The following KLHL20 variants were observed in gnomAD, a reference collection of about 807,000 sequenced individuals.
KLHL20 encodes the protein kelch-like protein 20.
KLHL20 carries 29 observed loss-of-function variants against 69.5 expected under a neutral mutation model. The observed-to-expected ratio is 0.42, with a 90% CI of 0.31 to 0.57. KLHL20 has a LOEUF of 0.57. KLHL20 is among the 20% of genes least tolerant of loss of function. KLHL20 has a pLI of 0.18. For synonymous variants in KLHL20, 253 were observed against 265.2 expected, an observed-to-expected ratio of 0.95 and a Z score of 0.45; for missense variants, 419 against 776.0, an observed-to-expected ratio of 0.54 and a Z score of 5.47.
chr1:173,750,026 T>C (rs1287008974), intron 3 of KLHL20, among the ~76,000 whole-genome samples: 5 of 152,152 alleles, frequency 3.3e-5, no homozygotes, highest in Non-Finnish European at 7.4e-5. Flanking sequence ...AGTATAAGTA[T>C]GTCTTGTATT....
At chr1:173,724,541 A>C (rs767411572) in intron 2 of KLHL20, among the ~76,000 whole-genome samples, 2 of 152,234 alleles carry the variant, frequency 1.3e-5, no homozygotes, top group Non-Finnish European at 2.9e-5. Flanking sequence ...TAATGTGATC[A>C]TACAAAAATC....
At chr1:173,739,646 C>CTT (rs60793132) in intron 3 of KLHL20, among the ~76,000 whole-genome samples, 2 of 89,918 alleles carry the variant, frequency 2.2e-5, no homozygotes, top group Non-Finnish European at 4.4e-5. Flanking sequence ...TAATATCTCC[C>CTT]TTTTTTTTTT....
chr1:173,778,585 C>G (rs375087456), intron 10 of KLHL20, among the ~76,000 whole-genome samples: 1 of 151,868 alleles, frequency 6.6e-6, no homozygotes, highest in South Asian at 2.1e-4. Flanking sequence ...GTGATCTATT[C>G]GCCTCAGCCT....
intron 3 of KLHL20, among the ~76,000 whole-genome samples, chr1:173,743,099 A>G (rs1672897862): frequency 7.3e-6 from 1 of 137,184 alleles, no homozygotes; most frequent in African/African-American, 2.9e-5. Context: ...AAATAAGCAT[A>G]GGGTATAATA....
At chr1:173,736,328 T>C (rs7536930) in intron 3 of KLHL20, among the ~76,000 whole-genome samples, 1,748 of 152,264 alleles carry the variant, frequency 0.011, 42 homozygotes, top group African/African-American at 0.04. Flanking sequence ...TATCCACTTG[T>C]TGATTGATGG....
chr1:173,753,071 G>T, intron 4 of KLHL20, 142 bp from the exon 5 acceptor site: 1 of 610,392 alleles, frequency 1.6e-6, no homozygotes, highest in South Asian at 2.0e-5. Flanking sequence ...TACTCTGGAG[G>T]CTGAGGTAGG....
intron 8 of KLHL20, among the ~76,000 whole-genome samples, chr1:173,774,013 CAA>C (rs34034171): frequency 1.1e-3 from 124 of 108,076 alleles, no homozygotes; most frequent in Middle Eastern, 5.0e-3. Flanking sequence ...GACTCCATCT[CAA>C]AAAAAAAAAA....
chr1:173,734,428 C>A (rs1672431658), intron 3 of KLHL20, 142 bp downstream of exon 3: 5 of 773,214 alleles, frequency 6.5e-6, no homozygotes, highest in South Asian at 1.7e-5. Flanking sequence ...AAATCCTAAA[C>A]CTGGCTTTTA....
chr1:173,754,318 G>A (rs1034793224), intron 5 of KLHL20, among the ~76,000 whole-genome samples: 21 of 152,262 alleles, frequency 1.4e-4, no homozygotes, highest in African/African-American at 4.6e-4. Flanking sequence ...CGGGCGCAGT[G>A]GCTCACGCCT....
At chr1:173,747,972 G>A (rs1455826598) in intron 3 of KLHL20, among the ~76,000 whole-genome samples, 1 of 150,364 alleles carries the variant, frequency 6.7e-6, no homozygotes, top group Non-Finnish European at 1.5e-5. Flanking sequence ...ACCAGTAACA[G>A]AAATGAAAGA....
intron 10 of KLHL20, among the ~76,000 whole-genome samples, chr1:173,779,026 C>T (rs970982657): frequency 7.2e-5 from 11 of 151,966 alleles, no homozygotes; most frequent in African/African-American, 2.7e-4. Context: ...CTTTAAGATG[C>T]ATTGTTATGT....
At chr1:173,776,496 C>G (rs1010640315) in intron 10 of KLHL20, among the ~76,000 whole-genome samples, 2 of 152,012 alleles carry the variant, frequency 1.3e-5, no homozygotes, top group Non-Finnish European at 2.9e-5. Context: ...AAATCTTTGC[C>G]CAGACCAATG....
At chr1:173,781,095 G>A (rs1648846442) in intron 10 of KLHL20, among the ~76,000 whole-genome samples, 1 of 151,870 alleles carries the variant, frequency 6.6e-6, no homozygotes, top group Admixed American at 6.6e-5. Flanking sequence ...CAGGGAACAT[G>A]TGCAAAAGTG....
chr1:173,746,170 G>A (rs56928371), intron 3 of KLHL20, among the ~76,000 whole-genome samples: 33,573 of 151,982 alleles, frequency 0.22, 4,291 homozygotes, highest in Middle Eastern at 0.38. Flanking sequence ...TTTTGATTAT[G>A]GTGGTGTTAG....
chr1:173,756,148 A>T (rs1673537768), intron 6 of KLHL20, 110 bp downstream of exon 6: 3 of 749,248 alleles, frequency 4.0e-6, no homozygotes, highest in Middle Eastern at 2.4e-4. Context: ...AGACACAAAT[A>T]ATAAGTCAGC....
intron 5 of KLHL20, among the ~76,000 whole-genome samples, chr1:173,754,584 C>CA (rs576521460): frequency 0.11 from 6,926 of 60,414 alleles, 611 homozygotes; most frequent in African/African-American, 0.27. Flanking sequence ...AACTCAGTCT[C>CA]AAAAAAAAAA....
At chr1:173,719,261 C>T (rs1671610513) in intron 2 of KLHL20, among the ~76,000 whole-genome samples, 1 of 152,082 alleles carries the variant, frequency 6.6e-6, no homozygotes. Flanking sequence ...GCTGTTACAA[C>T]CAGTTCTGTC....
At chr1:173,744,829 G>A (rs1018317813) in intron 3 of KLHL20, among the ~76,000 whole-genome samples, 2 of 151,984 alleles carry the variant, frequency 1.3e-5, no homozygotes, top group Non-Finnish European at 2.9e-5. Flanking sequence ...ATTTATTATG[G>A]CTTAATTACT....
chr1:173,751,755 T>C lies in KLHL20; in HGVS notation c.598-9T>C. ...GGATTTTTTTTTCTTCTTACCTAAC[T>C]TTGAACAGGTAATGGAGAGTGAAGA... On this transcript the variant is annotated splice_polypyrimidine_tract_variant and intron_variant, in intron 3 of 11. Coordinates refer to ENST00000209884, the MANE Select transcript of KLHL20 (RefSeq NM_014458.4). 7 of 1,613,104 alleles carry C rather than the reference T, an allele frequency of 4.3e-6. No homozygotes were observed. The highest frequency in any genetic ancestry group is 5.9e-6 in the Non-Finnish European group (7 of 1,179,342).
Sources: gnomAD v4.1 joint callset for allele counts (sites outside exome capture counted in the v4.1 genomes callset) on GRCh38, gnomAD v4.1.1 for gene constraint, MANE v1.5 for transcripts, NCBI Gene and HGNC (gene_info 2026-07-23, HGNC 2026-07-21) for gene names.